Variants in REPS2 observed in about 807,000 individuals in gnomAD.
REPS2 encodes the protein ralBP1-associated Eps domain-containing protein 2.
In REPS2, 23 loss-of-function variants were observed where a neutral mutation model predicts 53.6. The observed-to-expected ratio is 0.43, with a 90% CI of 0.31 to 0.61. The LOEUF is 0.61. REPS2 is among the 20% of genes least tolerant of loss of function. The pLI is 0.11. For synonymous variants in REPS2, 238 were observed against 218.6 expected (o/e 1.09, Z -0.78); for missense variants, 446 against 534.9 (o/e 0.83, Z 1.64).
At chrX:17,082,579 A>G (rs2062472187) in intron 13 of REPS2, among the ~76,000 whole-genome samples, 1 of 112,538 alleles carries the variant, frequency 8.9e-6, no homozygotes, top group African/African-American at 3.2e-5. Flanking sequence ...TATACTGATA[A>G]TAACAACTCA....
chrX:17,136,827 C>T (rs758972006), intron 16 of REPS2: 22 of 111,887 alleles, frequency 2.0e-4, no homozygotes, highest in African/African-American at 5.5e-4. Flanking sequence ...CTGGCAACCA[C>T]GAATCTCCTT....
intron 1 of REPS2, among the ~76,000 whole-genome samples, chrX:16,954,805 CTTTTTTTTTTT>C (rs58924467): frequency 1.7e-5 from 1 of 59,337 alleles, no homozygotes; most frequent in East Asian, 8.3e-4. Flanking sequence ...TTATTTATAA[CTTTTTTTTTTT>C]TTTTTTTTTT....
At chrX:16,947,607 CCTCT>C (rs1469769482) in intron 1 of REPS2, among the ~76,000 whole-genome samples, 1 of 111,794 alleles carries the variant, frequency 8.9e-6, no homozygotes, top group Non-Finnish European at 1.9e-5. Context: ...TGAATGTTGT[CCTCT>C]CTATGTAGTT....
chrX:16,991,953 A>G (rs951401377), intron 1 of REPS2, among the ~76,000 whole-genome samples: 2 of 111,449 alleles, frequency 1.8e-5, no homozygotes, highest in Non-Finnish European at 3.8e-5. Flanking sequence ...TCCAGTCTCC[A>G]GAACCATGGG....
chrX:16,947,414 G>A (rs1218861908), intron 1 of REPS2, among the ~76,000 whole-genome samples: 1 of 111,910 alleles, frequency 8.9e-6, no homozygotes, highest in Non-Finnish European at 1.9e-5. Flanking sequence ...CATTTCTGGG[G>A]TTCTGCAGCC....
At chrX:17,061,792 C>T (rs188472918) in intron 8 of REPS2, among the ~76,000 whole-genome samples, 48 of 112,375 alleles carry the variant, frequency 4.3e-4, no homozygotes, top group Non-Finnish European at 8.1e-4. Flanking sequence ...GATCTTTCCT[C>T]GTGTGAATTC....
intron 13 of REPS2, among the ~76,000 whole-genome samples, chrX:17,078,805 C>T (rs941531851): frequency 8.9e-6 from 1 of 112,212 alleles, no homozygotes; most frequent in African/African-American, 3.2e-5. Context: ...CACTGCATCA[C>T]ATAGTGGAAG....
intron 1 of REPS2, among the ~76,000 whole-genome samples, chrX:16,959,711 A>G (rs1374686373): frequency 8.9e-6 from 1 of 112,045 alleles, no homozygotes; most frequent in Non-Finnish European, 1.9e-5. Context: ...CCAGGACCAG[A>G]TGACTTCATG....
rs188140543 is a variant in REPS2, at chrX:17,041,492, C to T, written c.772-5855C>T. On this transcript the variant is annotated intron_variant, in intron 5 of 17. Transcript: ENST00000357277. ...GGGCTATAGTGTAGTCTCACCAGCCCATTAGCTATCCTTTTCTTTACAGTA... is the reference window on the plus strand; with the variant it reads ...GGGCTATAGTGTAGTCTCACCAGCCTATTAGCTATCCTTTTCTTTACAGTA... 3.4e-3 allele frequency among the ~76,000 whole-genome samples: 382 copies of T among 112,147 alleles called. 1 individual carries two copies. Among genetic ancestry groups the T allele is most frequent in the African/African-American group, 0.012 (368 of 30,912 alleles).
chrX:16,969,773 G>A (rs974232348), intron 1 of REPS2, among the ~76,000 whole-genome samples: 1 of 83,546 alleles, frequency 1.2e-5, no homozygotes, highest in Non-Finnish European at 2.3e-5. Context: ...AGGGAGAGAG[G>A]GAGAGGGAGA....
At chrX:16,973,560 G>A (rs1210285613) in intron 1 of REPS2, among the ~76,000 whole-genome samples, 1 of 112,001 alleles carries the variant, frequency 8.9e-6, no homozygotes, top group Admixed American at 9.5e-5. Context: ...TAACACAACA[G>A]ATGCTTTTCT....
intron 1 of REPS2, among the ~76,000 whole-genome samples, chrX:16,957,141 G>A (rs1376423638): frequency 1.8e-5 from 2 of 112,190 alleles, no homozygotes; most frequent in African/African-American, 3.2e-5. Context: ...CAAGTGTGGT[G>A]GCTCATGCCT....
At chrX:17,137,004 A>G (rs1569198112) in intron 16 of REPS2, 1 of 112,769 alleles carries the variant, frequency 8.9e-6, no homozygotes, top group Non-Finnish European at 1.9e-5. Flanking sequence ...ATTCCATTGT[A>G]TGGATAGACC....
chrX:16,968,831 C>T (rs2060827936), intron 1 of REPS2, among the ~76,000 whole-genome samples: 2 of 109,310 alleles, frequency 1.8e-5, no homozygotes, highest in South Asian at 7.9e-4. Context: ...GGGCTGACCC[C>T]CCCACCTCCC....
the REPS2 span, among the ~76,000 whole-genome samples, chrX:17,174,146 T>C: frequency 9.0e-6 from 1 of 111,434 alleles, no homozygotes; most frequent in Non-Finnish European, 1.9e-5. Context: ...AGGCAAAAGG[T>C]GACTGACTTA....
chrX:17,108,558 A>C (rs1385431675), intron 14 of REPS2, among the ~76,000 whole-genome samples: 1 of 108,683 alleles, frequency 9.2e-6, no homozygotes, highest in African/African-American at 3.4e-5. Flanking sequence ...TGTTGATCTC[A>C]TGACAGTTTT....
intron 1 of REPS2, among the ~76,000 whole-genome samples, chrX:16,956,212 T>C (rs1473339037): frequency 1.9e-5 from 2 of 103,584 alleles, no homozygotes; most frequent in Admixed American, 1.0e-4. Context: ...TTTTTTTTTT[T>C]ACTAACTGCC....
chrX:17,099,548 G>T (rs1364316363), intron 13 of REPS2, among the ~76,000 whole-genome samples: 1 of 111,755 alleles, frequency 8.9e-6, no homozygotes, highest in Non-Finnish European at 1.9e-5. Context: ...TGCAGAAAAG[G>T]TTGCCTTGAA....
chrX:16,970,442 C>T (rs2147691870), intron 1 of REPS2, among the ~76,000 whole-genome samples: 1 of 112,007 alleles, frequency 8.9e-6, no homozygotes, highest in South Asian at 3.7e-4. Context: ...AAGCAGTCTG[C>T]CTGCCTCGGC....
Sources: allele counts gnomAD v4.1 joint callset (sites outside exome capture counted in the v4.1 genomes callset), GRCh38; gene constraint gnomAD v4.1.1; transcripts MANE v1.5; gene names NCBI Gene and HGNC (gene_info 2026-07-23, HGNC 2026-07-21).